WNK1: variants seen among roughly 807,000 people sequenced by gnomAD.
The protein encoded by WNK1 is WNK lysine deficient protein kinase 1, also known as serine/threonine-protein kinase WNK1.
Under a neutral mutation model 222.8 loss-of-function variants are expected in WNK1, and 38 were observed. The observed-to-expected ratio is 0.17, with a 90% confidence interval of 0.13 to 0.22. The LOEUF (loss-of-function observed/expected upper bound fraction) is 0.22. Among genes scored for constraint, WNK1 ranks in the 10% least tolerant of loss-of-function variants. The pLI is 1.00. For missense variants in WNK1, 2,348 were observed against 2,918.4 expected, an observed-to-expected ratio of 0.80 and a Z score of 4.50; for synonymous variants, 1,090 against 1,092.9, an observed-to-expected ratio of 1.00 and a Z score of 0.05.
chr12:880,860 T>C lies in WNK1; in HGVS notation c.2972T>C (p.Phe991Ser). 6.2e-7 allele frequency: 1 copy of C among 1,614,098 alleles called. No homozygotes were observed. Among genetic ancestry groups the C allele is most frequent in the Non-Finnish European group, 8.5e-7 (1 of 1,180,010 alleles). The change falls in exon 12 of 28, where the codon TTT becomes TCT. Residue 991 changes from phenylalanine to serine, a missense_variant. Coordinates refer to ENST00000315939, the MANE Select transcript of WNK1 (RefSeq NM_018979.4). ...GAAGTACTGGCTACACCTGGGTACT[T>C]TCCCACAGTGGTGCAGCCTTATGTG... ...PTEVLATPGY[F>S]PTVVQPYVES...
At chr12:809,157 G>A (rs1946668466) in intron 1 of WNK1, among the ~76,000 whole-genome samples, 1 of 151,054 alleles carries the variant, frequency 6.6e-6, no homozygotes, top group South Asian at 2.1e-4. Flanking sequence ...AGCCATATTG[G>A]GAAGAAGGGG....
Position 859,225 on chromosome 12 carries a change from C to A in WNK1, c.1401-20C>A, listed in dbSNP as rs913237377. On this transcript the variant is annotated intron_variant, in intron 5 of 27. Transcript: ENST00000315939. ...ATGGTGTTTTATTTTTGTTCCTTTT[C>A]TTTTCCCTCTGTTTGGAAGATATTC... 6.3e-7 allele frequency: 1 copy of A among 1,589,694 alleles called. No individual in the cohort carries two copies. The highest frequency in any genetic ancestry group is 1.7e-5 in the Admixed American group (1 of 59,838).
rs762856906 is a variant in WNK1 at position 884,894 on chromosome 12, A to C, written c.4090A>C (p.Asn1364His). Residue 1364 changes from asparagine to histidine, a missense_variant, in exon 19 of 28, where the codon AAT becomes CAT. Around this residue, in one of 13 missense-constraint regions of WNK1, gnomAD observed 1,144 missense variants for 1,273.6 expected, o/e 0.90. Transcript: ENST00000315939. This position sits in a 1 kb window ranked among gnomAD's most constrained non-coding sequence, Gnocchi z 5.6. ...APVPATSSPP[N>H]DISTSVIQSE... ...AGTCCCTGCAACAAGCAGCCCTCCT[A>C]ATGACATTTCCACATCAGTAATTCA... The C allele has an allele frequency of 6.2e-7, 1 of 1,614,050 alleles. No individual in the cohort carries two copies. Among genetic ancestry groups the C allele is most frequent in the Non-Finnish European group, 8.5e-7 (1 of 1,179,992 alleles).
Position 885,950 on chromosome 12 carries a change from T to C in WNK1, c.5146T>C (p.Leu1716=), listed in dbSNP as rs754190240. The change falls in exon 19 of 28, where the codon TTA becomes CTA. Residue 1716 remains leucine (L), a synonymous_variant. Coordinates refer to ENST00000315939, the MANE Select transcript of WNK1 (RefSeq NM_018979.4). The part of the protein sequence containing the change: ...TTSTCLPPTN[L]PLGTVALPVT... ...AAGTACTTGCTTACCACCAACCAAT[T>C]TACCACTAGGAACAGTTGCTTTGCC... is the stretch of plus-strand genomic sequence containing the variant. The C allele has an allele frequency of 6.3e-7, 1 of 1,595,396 alleles. No individual in the cohort carries two copies. Among genetic ancestry groups the C allele is most frequent in the South Asian group, 1.1e-5 (1 of 88,026 alleles).
intron 8 of WNK1, among the ~76,000 whole-genome samples, chr12:865,862 T>A (rs1565543620): frequency 6.6e-6 from 1 of 152,122 alleles, no homozygotes; most frequent in Non-Finnish European, 1.5e-5. Flanking sequence ...TTTAATTTAA[T>A]CATTTATGTA....
rs72650768 is a variant in WNK1 at position 900,651 on chromosome 12, C to G, written c.6624C>G (p.Ser2208Arg). Residue 2208 changes from serine to arginine, a missense_variant, in exon 26 of 28, where the codon AGC becomes AGG. By Grantham distance (110) the Ser-to-Arg change is moderately radical. Transcript: ENST00000315939. ...FTSDGAISVPSLSAPGQGTSS... is the reference protein window; with the variant it reads ...FTSDGAISVPRLSAPGQGTSS... ...GTGATGGTGCCATTTCAGTACCAAGCCTTTCTGCTCCAGGTCAAGGTAATA... is the reference window on the plus strand; with the variant it reads ...GTGATGGTGCCATTTCAGTACCAAGGCTTTCTGCTCCAGGTCAAGGTAATA... 14 of 1,614,174 alleles carry G rather than the reference C, an allele frequency of 8.7e-6. No homozygotes were observed. Among genetic ancestry groups the G allele is most frequent in the South Asian group, 2.2e-5 (2 of 91,082 alleles).
intron 1 of WNK1, among the ~76,000 whole-genome samples, chr12:809,535 A>G (rs958270297): frequency 6.6e-6 from 1 of 152,160 alleles, no homozygotes; most frequent in African/African-American, 2.4e-5. Flanking sequence ...TTTTTATATT[A>G]TACTTCAAAA....
rs2154106198 is a variant in WNK1 at position 911,254 on chromosome 12, C to CATT, written c.*2466_*2468dup. 3 of 398,528 alleles carry CATT rather than the reference C, an allele frequency of 7.5e-6. No individual in the cohort carries two copies. Among genetic ancestry groups the CATT allele is most frequent in the Non-Finnish European group, 8.8e-6 (2 of 226,040 alleles). 24.7% of individuals were successfully genotyped at this position (398,528 alleles called of 1,614,324 possible). On this transcript the variant is annotated 3_prime_UTR_variant, in exon 28 of 28. Transcript: ENST00000315939. ...TTCTGAATTATAAATGTTTTCCTTA[C>CATT]ATTATTTAACAATGTACACTGTTAA...
At chr12:889,289 A>G in intron 21 of WNK1, 66 bp downstream of exon 21, 1 of 1,344,074 alleles carries the variant, frequency 7.4e-7, no homozygotes, top group East Asian at 2.3e-5. Flanking sequence ...TGGGACACAA[A>G]CTGTAACCTA....
In WNK1 at chr12:896,099, A is replaced by G. The variant is rs879124120; in HGVS notation, c.5612A>G (p.Lys1871Arg). 6.2e-7 allele frequency: 1 copy of G among 1,614,214 alleles called. No individual in the cohort carries two copies. Among genetic ancestry groups the G allele is most frequent in the Admixed American group, 1.7e-5 (1 of 60,024 alleles). Residue 1871 changes from lysine to arginine, a missense_variant, in exon 24 of 28, where the codon AAA becomes AGA. Physicochemically the swap from Lys to Arg is conservative, Grantham distance 26. Around this residue, in one of 13 missense-constraint regions of WNK1, gnomAD observed 1,144 missense variants for 1,273.6 expected, o/e 0.90. Coordinates refer to ENST00000315939, the MANE Select transcript of WNK1 (RefSeq NM_018979.4). ...TCTGTTGCAGCAGACGGTGCCCAGA[A>G]AGAGGGTAAAAATAAGTCAGAAGAT... is the stretch of plus-strand genomic sequence containing the variant. ...QVSVAADGAQ[K>R]EGKNKSEDAK... is the part of the protein sequence containing the mutation.
rs2154027994 is a variant in WNK1 at position 830,160 on chromosome 12, T to C, written c.1311T>C (p.Ser437=). Residue 437 remains serine, a splice_region_variant and synonymous_variant, in exon 4 of 28, where the codon AGT becomes AGC. Coordinates refer to ENST00000315939, the MANE Select transcript of WNK1 (RefSeq NM_018979.4). ...NAAQIYRRVT[S]GVKPASFDKV... Reference sequence around the variant, plus strand: ...CACAGATCTACCGTCGCGTGACCAGTGTAAGTCTTCCCCTAACTGATTGTT... The same window carrying C: ...CACAGATCTACCGTCGCGTGACCAGCGTAAGTCTTCCCCTAACTGATTGTT... 1.9e-6 allele frequency: 3 copies of C among 1,614,116 alleles called. No individual in the cohort carries two copies. The highest frequency in any genetic ancestry group is 2.7e-5 in the African/African-American group (2 of 75,038).
At chr12:882,187 G>T in intron 14 of WNK1, 114 bp downstream of exon 14, 2 of 1,226,730 alleles carry the variant, frequency 1.6e-6, no homozygotes, top group Non-Finnish European at 2.3e-6. Context: ...ATAACTATCT[G>T]TGTGTGACAG....
chr12:753,766 G>A lies in WNK1; in HGVS notation c.201G>A (p.Gly67=). ...ACACTATGGACAAGGACAGCCGTGGGGCGGCCGCGACCACTACCACCACTG... is the reference window on the plus strand; with the variant it reads ...ACACTATGGACAAGGACAGCCGTGGAGCGGCCGCGACCACTACCACCACTG... ...RRHTMDKDSR[G]AAATTTTTEH... The change falls in exon 1 of 28, where the codon GGG becomes GGA. Residue 67 remains glycine, a synonymous_variant. Transcript: ENST00000315939. The surrounding 1 kb of genome is among the most constrained non-coding windows in gnomAD (Gnocchi z 5.2). 1 of 1,612,410 alleles carries A rather than the reference G, an allele frequency of 6.2e-7. No individual in the cohort carries two copies. The highest frequency in any genetic ancestry group is 8.5e-7 in the Non-Finnish European group (1 of 1,179,914).
chr12:820,161 C>T (rs1947722447), intron 2 of WNK1, among the ~76,000 whole-genome samples: 1 of 152,108 alleles, frequency 6.6e-6, no homozygotes, highest in Non-Finnish European at 1.5e-5. Flanking sequence ...ATAGTATCAC[C>T]ATCTTTAACT....
intron 1 of WNK1, among the ~76,000 whole-genome samples, chr12:801,879 A>G (rs1232178217): frequency 6.6e-6 from 1 of 152,152 alleles, no homozygotes; most frequent in Non-Finnish European, 1.5e-5. Flanking sequence ...AATTTGTACA[A>G]TGTGTATTTA....
chr12:792,393 G>A (rs10774462), intron 1 of WNK1, among the ~76,000 whole-genome samples: 93,485 of 147,178 alleles, frequency 0.64, 30,381 homozygotes, highest in East Asian at 0.87. Flanking sequence ...GCTCACTGCA[G>A]CCTCCGCTTC....
At chr12:835,679 G>A (rs936192597) in intron 4 of WNK1, among the ~76,000 whole-genome samples, 3 of 152,008 alleles carry the variant, frequency 2.0e-5, no homozygotes, top group African/African-American at 4.8e-5. Flanking sequence ...TTGGCTGGGC[G>A]TGATAGCTCA....
chr12:757,334 A>T (rs10774455), intron 1 of WNK1, among the ~76,000 whole-genome samples: 11,156 of 58,002 alleles, frequency 0.19, 556 homozygotes, highest in East Asian at 0.39. Context: ...TTTTTTTTTT[A>T]AAAAAAAAAA....
intron 14 of WNK1, 85 bp downstream of exon 14, chr12:882,158 C>T (rs1953219182): frequency 1.4e-6 from 2 of 1,401,868 alleles, no homozygotes; most frequent in East Asian, 2.5e-5. Flanking sequence ...ATCCAAACCA[C>T]TCACTTCATA....
Sources: gnomAD v4.1 joint callset for allele counts (sites outside exome capture counted in the v4.1 genomes callset) on GRCh38, gnomAD v4.1.1 for gene constraint, gnomAD v4.1.1 regional missense constraint, Gnocchi (gnomAD v3.1) non-coding constraint, MANE v1.5 for transcripts, NCBI Gene and HGNC (gene_info 2026-07-23, HGNC 2026-07-21) for gene names.